CTNNA2: variants seen among roughly 807,000 people sequenced by gnomAD.
CTNNA2 encodes the protein catenin alpha 2.
Under a neutral mutation model 101.0 loss-of-function variants are expected in CTNNA2, and 42 were observed. The observed-to-expected ratio is 0.42, with a 90% CI of 0.32 to 0.54. The LOEUF (loss-of-function observed/expected upper bound fraction) is 0.54, where lower values mean the gene tolerates loss of function less well. Ranked by LOEUF, CTNNA2 falls within the 20% of genes least tolerant of loss-of-function variation. The probability of loss-of-function intolerance (pLI) is 0.14; values close to 1 mark genes in which losing one functional copy is unlikely to be tolerated. For synonymous variants in CTNNA2, 450 were observed against 456.4 expected, an observed-to-expected ratio of 0.99 and a Z score of 0.18; for missense variants, 871 against 1,223.1, an observed-to-expected ratio of 0.71 and a Z score of 4.29.
chr2:80,135,867 C>T (rs926849499), intron 7 of CTNNA2, among the ~76,000 whole-genome samples: 1 of 152,088 alleles, frequency 6.6e-6, no homozygotes, highest in Non-Finnish European at 1.5e-5. Flanking sequence ...TCCTTTTCTC[C>T]TTGTGCACTC....
chr2:79,302,550 C>T (rs1232679158), intron 2 of CTNNA2, among the ~76,000 whole-genome samples: 1 of 152,154 alleles, frequency 6.6e-6, no homozygotes, highest in African/African-American at 2.4e-5. Flanking sequence ...TATTAGCTGT[C>T]TTCTTAATGA....
At chr2:80,572,812 T>C (rs899205511) in intron 12 of CTNNA2, 6 of 148,650 alleles carry the variant, frequency 4.0e-5, no homozygotes, top group Non-Finnish European at 7.4e-5. Flanking sequence ...GAGAACCAAT[T>C]ATAGTAATTC....
chr2:79,856,340 G>A (rs1009353583), intron 3 of CTNNA2, among the ~76,000 whole-genome samples: 4 of 152,200 alleles, frequency 2.6e-5, no homozygotes, highest in Non-Finnish European at 5.9e-5. Flanking sequence ...CTATAAAATG[G>A]TAAGAGGTGT....
intron 15 of CTNNA2, among the ~76,000 whole-genome samples, chr2:80,597,238 G>T (rs1007362602): frequency 3.3e-5 from 5 of 152,136 alleles, no homozygotes; most frequent in Admixed American, 6.5e-5. Flanking sequence ...AATGGGTACT[G>T]GGAAAACTGG....
intron 2 of CTNNA2, among the ~76,000 whole-genome samples, chr2:79,704,536 G>A (rs1231933979): frequency 1.5e-5 from 2 of 131,874 alleles, no homozygotes; most frequent in East Asian, 2.5e-4. Context: ...TTTTTGAGAC[G>A]GAGTCTCGCT....
intron 2 of CTNNA2, among the ~76,000 whole-genome samples, chr2:79,709,480 C>A (rs576043374): frequency 9.9e-5 from 15 of 151,992 alleles, no homozygotes; most frequent in African/African-American, 3.6e-4. Context: ...AGAGGCATGT[C>A]GGACAGGGTT....
rs563110376 is a variant in CTNNA2, at chr2:79,410,128, T to G, written c.-135+36115T>G. Among the ~76,000 whole-genome samples the G allele has an allele frequency of 9.6e-3, 1,425 of 148,096 alleles. 18 individuals carry two copies. Among genetic ancestry groups the G allele is most frequent in the African/African-American group, 0.034 (1,356 of 39,912 alleles). The stretch of plus-strand genomic sequence containing the variant: ...GTCTGTTATTGGTGTATAAGAATGC[T>G]TGTGATTTTTGTACATTGATTTTGT... On this transcript the variant is annotated intron_variant, in intron 4 of 21. Transcript: ENST00000466387.
At chr2:79,261,830 G>T (rs1380188617) in intron 2 of CTNNA2, among the ~76,000 whole-genome samples, 2 of 152,156 alleles carry the variant, frequency 1.3e-5, no homozygotes, top group African/African-American at 4.8e-5. Context: ...ATTAACAAAA[G>T]GTGAAAGCAG....
intron 7 of CTNNA2, among the ~76,000 whole-genome samples, chr2:80,300,255 C>A (rs1256937362): frequency 6.8e-6 from 1 of 147,960 alleles, no homozygotes; most frequent in Non-Finnish European, 1.5e-5. Context: ...AGTTTCCTGG[C>A]CAGGAAAAAT....
intron 11 of CTNNA2, among the ~76,000 whole-genome samples, chr2:80,554,009 T>A (rs1692807476): frequency 6.6e-6 from 1 of 152,158 alleles, no homozygotes; most frequent in African/African-American, 2.4e-5. Context: ...CTATTCTAAT[T>A]TATAGTTGAA....
chr2:79,467,230 G>A (rs1449964607), intron 4 of CTNNA2, among the ~76,000 whole-genome samples: 1 of 152,174 alleles, frequency 6.6e-6, no homozygotes, highest in Non-Finnish European at 1.5e-5. Context: ...CATGACAAAT[G>A]CACAAGCTTC....
intron 7 of CTNNA2, among the ~76,000 whole-genome samples, chr2:80,310,185 C>A (rs1477193454): frequency 6.6e-6 from 1 of 152,124 alleles, no homozygotes; most frequent in Non-Finnish European, 1.5e-5. Flanking sequence ...AGTGATTGCC[C>A]ACCCTTGCTA....
chr2:79,435,404 A>C (rs564079004), intron 4 of CTNNA2, among the ~76,000 whole-genome samples: 1 of 152,012 alleles, frequency 6.6e-6, no homozygotes, highest in African/African-American at 2.4e-5. Flanking sequence ...ACTTCTTCAA[A>C]CCTCTGTTAG....
intron 7 of CTNNA2, among the ~76,000 whole-genome samples, chr2:80,237,743 T>A (rs1709620565): frequency 6.6e-6 from 1 of 152,166 alleles, no homozygotes; most frequent in Non-Finnish European, 1.5e-5. Context: ...GCATGAGTTC[T>A]TAAAATTCTG....
intron 7 of CTNNA2, among the ~76,000 whole-genome samples, chr2:79,984,116 G>T (rs972607490): frequency 3.3e-5 from 5 of 152,134 alleles, no homozygotes; most frequent in Non-Finnish European, 7.4e-5. Flanking sequence ...AATTGATTTA[G>T]AATTGGCATG....
At chr2:79,744,980 T>G (rs1671541825) in intron 3 of CTNNA2, among the ~76,000 whole-genome samples, 1 of 152,208 alleles carries the variant, frequency 6.6e-6, no homozygotes, top group Non-Finnish European at 1.5e-5. Flanking sequence ...CTTATTTTTC[T>G]GCAAGTCTCA....
intron 4 of CTNNA2, among the ~76,000 whole-genome samples, chr2:79,419,547 A>G (rs979919412): frequency 9.9e-5 from 15 of 152,168 alleles, no homozygotes; most frequent in Admixed American, 8.5e-4. Context: ...CCATAAAGCC[A>G]AAACTGCTCA....
intron 8 of CTNNA2, 43 bp downstream of exon 8, chr2:80,393,334 G>C (rs1165050176): frequency 1.4e-6 from 2 of 1,395,318 alleles, no homozygotes; most frequent in Admixed American, 3.8e-5. Flanking sequence ...ATATTCAGTA[G>C]TGGTTTCCAA....
Position 80,619,206 on chromosome 2 carries a change from G to A in CTNNA2, c.2552G>A (p.Ser851Asn), listed in dbSNP as rs542162712. 2.7e-5 allele frequency: 43 copies of A among 1,581,260 alleles called. No homozygotes were observed. The Middle Eastern group carries it at 1.0e-3, about 37-fold the overall frequency. The change falls in exon 18 of 19, where the codon AGT (serine) becomes AAT (asparagine). Residue 851 changes from serine (S) to asparagine (N), a missense_variant. Transcript: ENST00000402739. ...TGTGCTGAGGGAGCTCCGATCGGGA[G>A]TGGAAGCAGTGATTCCTCCATGGTG... ...PTCAEGAPIG[S>N]GSSDSSMLDS...
Sources: allele counts gnomAD v4.1 joint callset (sites outside exome capture counted in the v4.1 genomes callset), GRCh38; gene constraint gnomAD v4.1.1; transcripts MANE v1.5; gene names NCBI Gene and HGNC (gene_info 2026-07-23, HGNC 2026-07-21).